Variants in NAA16 observed in about 807,000 individuals in gnomAD.
The protein encoded by NAA16 is NARG1-like protein.
NAA16 carries 97 observed loss-of-function variants against 110.3 expected under a neutral mutation model. The ratio of observed to expected loss-of-function variants is 0.88; its 90% confidence interval spans 0.75 to 1.04. The LOEUF (loss-of-function observed/expected upper bound fraction) is 1.04, where lower values mean the gene tolerates loss of function less well. NAA16 is among the 50% of genes least tolerant of loss of function. NAA16 has a pLI of 0.00. For missense variants in NAA16, 1,017 were observed against 1,005.1 expected (o/e 1.01, Z -0.16); for synonymous variants, 372 against 330.6 (o/e 1.13, Z -1.36).
intron 12 of NAA16, 112 bp from the exon 13 acceptor site, chr13:41,361,919 C>T (rs2043119649): frequency 2.7e-6 from 3 of 1,127,242 alleles, no homozygotes; most frequent in African/African-American, 3.3e-5. Flanking sequence ...GATATATTTG[C>T]TAATTGCTGC....
chr13:41,369,361 A>C, intron 15 of NAA16, 78 bp downstream of exon 15: 1 of 1,262,518 alleles, frequency 7.9e-7, no homozygotes, highest in Admixed American at 2.7e-5. Context: ...AACATGATTT[A>C]TTTAAATCTG....
chr13:41,346,908 T>C (rs1053780007), intron 9 of NAA16, among the ~76,000 whole-genome samples: 1 of 151,984 alleles, frequency 6.6e-6, no homozygotes, highest in Non-Finnish European at 1.5e-5. Flanking sequence ...ACTGTAGCAG[T>C]GTGGTAAGTT....
chr13:41,358,389 T>G lies in NAA16; in HGVS notation c.1173T>G (p.Ser391=). 3 of 1,613,820 alleles carry G rather than the reference T, an allele frequency of 1.9e-6. No homozygotes were observed. Among genetic ancestry groups the G allele is most frequent in the Non-Finnish European group, 1.7e-6 (2 of 1,179,722 alleles). Residue 391 remains serine, a synonymous_variant, in exon 11 of 20, where the codon TCT becomes TCG. Coordinates refer to ENST00000379406, the MANE Select transcript of NAA16 (RefSeq NM_024561.5). ...ACTTTGATAAACTTGGACAGTATTC[T>G]TTGGCTTTGGATTATATTAATGCTG... is the stretch of plus-strand genomic sequence containing the variant. ...AQHFDKLGQY[S]LALDYINAAI...
chr13:41,369,372 TAAG>T (rs2043271607), intron 15 of NAA16, 89 bp downstream of exon 15: 1 of 1,193,478 alleles, frequency 8.4e-7, no homozygotes, highest in South Asian at 2.1e-5. Context: ...TTTAAATCTG[TAAG>T]AAGCCATTTG....
At chr13:41,325,669 A>G in intron 5 of NAA16, 29 bp from the exon 6 acceptor site, 2 of 1,467,252 alleles carry the variant, frequency 1.4e-6, no homozygotes, top group Non-Finnish European at 1.9e-6. Flanking sequence ...TAATTATACA[A>G]ATAAAGTAAT....
intron 3 of NAA16, among the ~76,000 whole-genome samples, chr13:41,320,039 T>C (rs950567229): frequency 1.3e-5 from 2 of 152,194 alleles, no homozygotes; most frequent in Admixed American, 6.5e-5. Context: ...TAAATACTTA[T>C]TTCTTTATCC....
At position 41,373,658 on chromosome 13, in the gene NAA16, C is replaced by T; in HGVS notation, c.2177C>T (p.Pro726Leu). 2 of 1,605,872 alleles carry T rather than the reference C, an allele frequency of 1.2e-6. No individual in the cohort carries two copies. Among genetic ancestry groups the T allele is most frequent in the South Asian group, 2.2e-5 (2 of 89,448 alleles). ...ATAGTGTCTAATCATAGTAATCTTC[C>T]AGACATTGTGAGCAAAGTTCTATCT... Reference protein sequence around the residue: ...SKSVSNHSNLPDIVSKVLSQE... With the variant: ...SKSVSNHSNLLDIVSKVLSQE... The change falls in exon 18 of 20, where the codon CCA becomes CTA. Residue 726 changes from proline (P) to leucine (L), a missense_variant. Physicochemically the swap from Pro to Leu is moderately conservative, Grantham distance 98 (BLOSUM62 -3). Coordinates refer to ENST00000379406, the MANE Select transcript of NAA16 (RefSeq NM_024561.5).
intron 17 of NAA16, chr13:41,373,172 C>G (rs1404306485): frequency 3.3e-6 from 3 of 915,696 alleles, no homozygotes; most frequent in East Asian, 1.2e-4. Flanking sequence ...CATTTTTAGG[C>G]TAGGATGTAT....
intron 10 of NAA16, 139 bp downstream of exon 10, chr13:41,355,355 A>C (rs1352692598): frequency 1.0e-5 from 6 of 591,808 alleles, no homozygotes; most frequent in African/African-American, 3.8e-5. Flanking sequence ...ATGAAATGAG[A>C]GCACTTTCAA....
intron 10 of NAA16, among the ~76,000 whole-genome samples, chr13:41,357,119 G>A (rs2043007026): frequency 6.6e-6 from 1 of 152,176 alleles, no homozygotes; most frequent in South Asian, 2.1e-4. Flanking sequence ...CCAGGATTTG[G>A]AGGCCAGCCT....
Position 41,376,813 on chromosome 13 carries a change from A to G in NAA16, c.*1211A>G, listed in dbSNP as rs2043434004. The G allele has an allele frequency of 6.6e-6, 1 of 152,312 alleles. No individual in the cohort carries two copies. Among genetic ancestry groups the G allele is most frequent in the South Asian group, 2.1e-4 (1 of 4,824 alleles). The allele number at this position is 152,312 out of a possible 1,614,324, so 9.4% of individuals were successfully genotyped here. On this transcript the variant is annotated 3_prime_UTR_variant, in exon 20 of 20. Coordinates refer to ENST00000379406, the MANE Select transcript of NAA16 (RefSeq NM_024561.5). ...GTTCTATCTTGTACAGAAAACAGTA[A>G]TGGAATCACTCATGTTCAGAACCTT...
intron 8 of NAA16, among the ~76,000 whole-genome samples, chr13:41,332,015 T>C (rs1593442392): frequency 6.6e-6 from 1 of 152,158 alleles, no homozygotes; most frequent in East Asian, 1.9e-4. Context: ...TGACAAATTA[T>C]ATGTGGTATC....
chr13:41,337,383 A>C (rs1490432041), intron 9 of NAA16, among the ~76,000 whole-genome samples: 2 of 151,946 alleles, frequency 1.3e-5, no homozygotes, highest in African/African-American at 2.4e-5. Context: ...CTCTAGTAAG[A>C]ATACAAAAAA....
chr13:41,362,049 GA>G lies in NAA16; in HGVS notation c.1433del (p.Asn478IlefsTer2), dbSNP rs2043122401. The G allele has an allele frequency of 1.9e-6, 3 of 1,611,124 alleles. No homozygotes were observed. In the African/African-American group the frequency reaches 4.0e-5, roughly 22 times the overall value. On this transcript the variant is annotated frameshift_variant, in exon 13 of 20. Transcript: ENST00000379406. LOFTEE classifies it high-confidence loss of function. ...KFTREGTSAM[E>X]NLNEMQCMWF... ...ATTTCAGGAAGGAACATCTGCCATGGAAAATCTAAATGAAATGCAGTGTATG... is the reference window on the plus strand; with the variant it reads ...ATTTCAGGAAGGAACATCTGCCATGGAAATCTAAATGAAATGCAGTGTATG...
intron 9 of NAA16, among the ~76,000 whole-genome samples, chr13:41,343,332 C>T (rs984012740): frequency 6.6e-6 from 1 of 152,136 alleles, no homozygotes; most frequent in African/African-American, 2.4e-5. Context: ...TCAAGTGATT[C>T]TCCTGCCTTA....
chr13:41,373,224 C>A, intron 17 of NAA16: 1 of 819,638 alleles, frequency 1.2e-6, no homozygotes, highest in Non-Finnish European at 1.5e-6. Context: ...TATGTAAAAT[C>A]AAGTTTAATA....
At chr13:41,339,247 C>T (rs572110859) in intron 9 of NAA16, among the ~76,000 whole-genome samples, 7 of 152,078 alleles carry the variant, frequency 4.6e-5, no homozygotes, top group Non-Finnish European at 8.8e-5. Context: ...TCAAGCAAAT[C>T]TCCTGCCTCA....
chr13:41,316,815 T>G (rs1378780861), intron 1 of NAA16, 31 bp from the exon 2 acceptor site: 1 of 1,455,410 alleles, frequency 6.9e-7, no homozygotes, highest in Non-Finnish European at 9.6e-7. Flanking sequence ...ATTCATTTGA[T>G]AAAATAACTT....
At chr13:41,328,605 G>A in intron 6 of NAA16, 119 bp from the exon 7 acceptor site, 1 of 777,808 alleles carries the variant, frequency 1.3e-6, no homozygotes, top group Non-Finnish European at 2.0e-6. Flanking sequence ...TGCCCAAAGG[G>A]GAAGCATACA....
Sources: allele counts gnomAD v4.1 joint callset (sites outside exome capture counted in the v4.1 genomes callset), GRCh38; gene constraint gnomAD v4.1.1; transcripts MANE v1.5; gene names NCBI Gene and HGNC (gene_info 2026-07-23, HGNC 2026-07-21).